SLC29A1: variants seen among roughly 807,000 people sequenced by gnomAD.
SLC29A1 encodes solute carrier family 29 member 1 (Augustine blood group), also known as equilibrative nucleoside transporter 1.
A neutral mutation model predicts 48.3 loss-of-function variants in SLC29A1; 22 were observed. The ratio of observed to expected loss-of-function variants is 0.46; its 90% CI spans 0.33 to 0.65. The LOEUF is 0.65. SLC29A1 is among the 30% of genes least tolerant of loss of function. The probability of loss-of-function intolerance (pLI) is 0.03; values close to 1 mark genes in which losing one functional copy is unlikely to be tolerated. For synonymous variants in SLC29A1, 228 were observed against 231.0 expected (o/e 0.99, Z 0.12); for missense variants, 491 against 575.3 (o/e 0.85, Z 1.50).
In SLC29A1 at chr6:44,232,419, A is replaced by C; in HGVS notation, c.1050A>C (p.Val350=). 6.2e-7 allele frequency: 1 copy of C among 1,611,282 alleles called. No homozygotes were observed. Among genetic ancestry groups the C allele is most frequent in the Non-Finnish European group, 8.5e-7 (1 of 1,177,472 alleles). ...FDWLGRSLTA[V]FMWPGKDSRW... Reference sequence around the variant, plus strand: ...GGTTGGGCCGGAGCCTCACAGCTGTATTCATGTGGGTAAGTGGAGGAAGAG... The same window carrying C: ...GGTTGGGCCGGAGCCTCACAGCTGTCTTCATGTGGGTAAGTGGAGGAAGAG... Residue 350 remains valine (V), a synonymous_variant, in exon 11 of 13, where the codon GTA becomes GTC. Transcript: ENST00000371755. The surrounding 1 kb of genome is among the most constrained non-coding windows in gnomAD (Gnocchi z 4.7).
rs1582962696 is a variant in SLC29A1 at position 44,232,402 on chromosome 6, C to A, written c.1033C>A (p.Arg345=). 1 of 1,613,218 alleles carries A rather than the reference C, an allele frequency of 6.2e-7. No individual in the cohort carries two copies. Among genetic ancestry groups the A allele is most frequent in the Middle Eastern group, 1.6e-4 (1 of 6,062 alleles). The part of the protein sequence containing the change: ...LTFNIFDWLG[R]SLTAVFMWPG... Reference sequence around the variant, plus strand: ...TTTCAATATCTTTGACTGGTTGGGCCGGAGCCTCACAGCTGTATTCATGTG... The same window carrying A: ...TTTCAATATCTTTGACTGGTTGGGCAGGAGCCTCACAGCTGTATTCATGTG... Residue 345 remains arginine (R), a synonymous_variant, in exon 11 of 13, where the codon CGG becomes AGG. Coordinates refer to ENST00000371755, the MANE Select transcript of SLC29A1 (RefSeq NM_001372327.1). This position sits in a 1 kb window ranked among gnomAD's most constrained non-coding sequence, Gnocchi z 4.7.
intron 9 of SLC29A1, 30 bp downstream of exon 9, chr6:44,231,491 C>T: frequency 7.2e-7 from 1 of 1,388,722 alleles, no homozygotes; most frequent in Non-Finnish European, 1.0e-6. Context: ...CTATCTTCTA[C>T]CCCTTGTCCT....
In SLC29A1 at chr6:44,232,142, C is replaced by G; in HGVS notation, c.973+36C>G. ...CACAGGTTTCCAGGATGGGAACAGA[C>G]AGGATCTTGAGTTGGGCTGGAAGTG... On this transcript the variant is annotated intron_variant, in intron 10 of 12. Coordinates refer to ENST00000371755, the MANE Select transcript of SLC29A1 (RefSeq NM_001372327.1). This position sits in a 1 kb window ranked among gnomAD's most constrained non-coding sequence, Gnocchi z 4.7. The G allele has an allele frequency of 1.3e-6, 2 of 1,516,718 alleles. No individual in the cohort carries two copies. Among genetic ancestry groups the G allele is most frequent in the African/African-American group, 1.4e-5 (1 of 73,082 alleles). 94.0% of individuals were successfully genotyped at this position (1,516,718 alleles called of 1,614,324 possible).
chr6:44,230,910 C>T (rs1296005305), intron 8 of SLC29A1, 21 bp downstream of exon 8: 3 of 1,594,752 alleles, frequency 1.9e-6, no homozygotes, highest in South Asian at 1.1e-5. Flanking sequence ...CCTGAGGAAG[C>T]TGGGGTGGAG....
upstream of SLC29A1, chr6:44,223,358 A>T (rs1231358741): frequency 5.8e-6 from 1 of 173,524 alleles, no homozygotes; most frequent in Non-Finnish European, 1.2e-5. This position sits in a 1 kb window ranked among gnomAD's most constrained non-coding sequence, Gnocchi z 5.0. Context: ...CGATGGACAG[A>T]CAGCCTTGGT....
Position 44,232,274 on chromosome 6 carries a change from C to T in SLC29A1, c.974-69C>T. 8.2e-7 allele frequency: 1 copy of T among 1,224,628 alleles called. No individual in the cohort carries two copies. The highest frequency in any genetic ancestry group is 2.3e-5 in the East Asian group (1 of 43,064). The allele number at this position is 1,224,628 out of a possible 1,614,324, so 75.9% of individuals were successfully genotyped here. On this transcript the variant is annotated intron_variant, in intron 10 of 12. Transcript: ENST00000371755. This position sits in a 1 kb window ranked among gnomAD's most constrained non-coding sequence, Gnocchi z 4.7. ...TTTTACTGTTGGGGAAGCTGAGGCC[C>T]AGTGAAGGTTAGGCTTGCTATACCT...
rs1409350353 is a variant in SLC29A1, at chr6:44,229,340, G to C, written c.30-50G>C. 2 of 1,411,554 alleles carry C rather than the reference G, an allele frequency of 1.4e-6. No homozygotes were observed. Among genetic ancestry groups the C allele is most frequent in the Non-Finnish European group, 2.0e-6 (2 of 994,974 alleles). The allele number at this position is 1,411,554 out of a possible 1,614,324, so 87.4% of individuals were successfully genotyped here. A position where few individuals can be genotyped will look rare whatever the true frequency, so the allele number is the denominator to read the frequency against. On this transcript the variant is annotated intron_variant, in intron 2 of 12. Transcript: ENST00000371755. This position sits in a 1 kb window ranked among gnomAD's most constrained non-coding sequence, Gnocchi z 5.1. ...GGGCTTTCCTGGGGCTCATTGTGGA[G>C]TGGGGCAGGATGGTGCGTCATTTGG...
At chr6:44,219,627 C>G (rs1041916872), upstream of SLC29A1, 1 of 1,088,024 alleles carries the variant, frequency 9.2e-7, no homozygotes, top group African/African-American at 1.7e-5. Flanking sequence ...CTCTTCCGCC[C>G]GGCGGCCCAC....
At chr6:44,219,750 C>T, upstream of SLC29A1, 1 of 1,288,882 alleles carries the variant, frequency 7.8e-7, no homozygotes, top group Non-Finnish European at 1.0e-6. Context: ...CGTCCCCCAC[C>T]AAGTCCGGAT....
intron 1 of SLC29A1, chr6:44,226,109 C>CT: frequency 8.1e-6 from 8 of 985,386 alleles, no homozygotes; most frequent in Non-Finnish European, 9.6e-6. Context: ...GGAGCACCTC[C>CT]TAGGGACTGC....
Position 44,229,399 on chromosome 6 carries a change from T to C in SLC29A1, c.39T>C (p.Ala13=). 1 of 1,613,914 alleles carries C rather than the reference T, an allele frequency of 6.2e-7. No individual in the cohort carries two copies. Among genetic ancestry groups the C allele is most frequent in the South Asian group, 1.1e-5 (1 of 91,078 alleles). ...TCCTCCTCCATTGCAGATACAAAGC[T>C]GTCTGGCTTATCTTCTTCATGCTGG... is the stretch of plus-strand genomic sequence containing the variant. ...TSHQPQDRYK[A]VWLIFFMLGL... Residue 13 remains alanine, a synonymous_variant, in exon 3 of 13, where the codon GCT becomes GCC. Coordinates refer to ENST00000371755, the MANE Select transcript of SLC29A1 (RefSeq NM_001372327.1). This position sits in a 1 kb window ranked among gnomAD's most constrained non-coding sequence, Gnocchi z 5.1.
upstream of SLC29A1, chr6:44,223,574 C>T (rs1465028380): frequency 1.7e-6 from 2 of 1,210,242 alleles, no homozygotes; most frequent in Non-Finnish European, 2.1e-6. The surrounding 1 kb of genome is among the most constrained non-coding windows in gnomAD (Gnocchi z 5.0). Context: ...TGAATGTGCC[C>T]CGGCGGGAGA....
rs919281713 is a variant in SLC29A1 at position 44,233,422 on chromosome 6, T to C, written c.1265T>C (p.Val422Ala). The C allele has an allele frequency of 6.2e-6, 10 of 1,613,616 alleles. No homozygotes were observed. The highest frequency in any genetic ancestry group is 8.5e-6 in the Non-Finnish European group (10 of 1,179,628). The part of the protein sequence containing the change: ...SLCMCFGPKK[V>A]KPAEAETAGA... Reference sequence around the variant, plus strand: ...GCCCTTCCTTCCCCGCTTAGGAAAGTGAAGCCAGCTGAGGCAGAGACCGCA... The same window carrying C: ...GCCCTTCCTTCCCCGCTTAGGAAAGCGAAGCCAGCTGAGGCAGAGACCGCA... Residue 422 changes from valine to alanine, a missense_variant, in exon 13 of 13, where the codon GTG becomes GCG. By Grantham distance (64) the Val-to-Ala change is moderately conservative (BLOSUM62 0). Coordinates refer to ENST00000371755, the MANE Select transcript of SLC29A1 (RefSeq NM_001372327.1).
chr6:44,232,736 G>C lies in SLC29A1; in HGVS notation c.1060-71G>C. 6.7e-7 allele frequency: 1 copy of C among 1,494,214 alleles called. No homozygotes were observed. The highest frequency in any genetic ancestry group is 1.1e-5 in the South Asian group (1 of 87,348). The allele number at this position is 1,494,214 out of a possible 1,614,324, so 92.6% of individuals were successfully genotyped here. A position where few individuals can be genotyped will look rare whatever the true frequency, so the allele number is the denominator to read the frequency against. ...TCAGTTCAGATCCTGAGGGGCCCCA[G>C]ATGGATCCTTGGGGGCCTGGCTGTG... On this transcript the variant is annotated intron_variant, in intron 11 of 12. Coordinates refer to ENST00000371755, the MANE Select transcript of SLC29A1 (RefSeq NM_001372327.1). This position sits in a 1 kb window ranked among gnomAD's most constrained non-coding sequence, Gnocchi z 4.7.
At position 44,225,520 on chromosome 6, in the gene SLC29A1, A is replaced by G. The variant is rs376053126; in HGVS notation, c.-51-1743A>G. Among the ~76,000 whole-genome samples, 54 of 152,034 alleles carry G rather than the reference A, an allele frequency of 3.6e-4. No individual in the cohort carries two copies. In the South Asian group the frequency reaches 0.01, roughly 29 times the overall value. On this transcript the variant is annotated intron_variant, in intron 1 of 12. Coordinates refer to ENST00000371755, the MANE Select transcript of SLC29A1 (RefSeq NM_001372327.1). ...AAAACTCCGTCTCAAAAAAAAAAAA[A>G]AAAAGAAAAAATCTGAGACCTGAGG... is the stretch of plus-strand genomic sequence containing the variant.
chr6:44,220,856 T>A (rs1248297701), upstream of SLC29A1, among the ~76,000 whole-genome samples: 1 of 152,072 alleles, frequency 6.6e-6, no homozygotes, highest in Non-Finnish European at 1.5e-5. Flanking sequence ...AAACTTATTT[T>A]GATTACATTA....
chr6:44,225,760 T>G (rs534988249), intron 1 of SLC29A1: 1 of 151,914 alleles, frequency 6.6e-6, no homozygotes. Flanking sequence ...GAGCTTGGAG[T>G]TTCCCTGGGG....
In SLC29A1 at chr6:44,230,065, G is replaced by A. The variant is rs324150; in HGVS notation, c.454+19G>A. 4,375 of 1,602,962 alleles carry A rather than the reference G, an allele frequency of 2.7e-3. 101 individuals are homozygous for A. The African/African-American group carries it at 0.05, about 18-fold the overall frequency. On this transcript the variant is annotated intron_variant, in intron 5 of 12. Transcript: ENST00000371755. ...ATTAATTGTAAGCTGGGCCAGGAGG[G>A]GGCCTATGGGAGGAGGCATGCCCAA...
intron 12 of SLC29A1, 32 bp from the exon 13 acceptor site, chr6:44,233,385 T>G: frequency 3.2e-6 from 5 of 1,568,134 alleles, no homozygotes; most frequent in Non-Finnish European, 4.4e-6. Flanking sequence ...ACAGCCATTC[T>G]GAGGTAGCCT....
Sources: gnomAD v4.1 joint callset for allele counts (sites outside exome capture counted in the v4.1 genomes callset) on GRCh38, gnomAD v4.1.1 for gene constraint, Gnocchi (gnomAD v3.1) non-coding constraint, MANE v1.5 for transcripts, NCBI Gene and HGNC (gene_info 2026-07-23, HGNC 2026-07-21) for gene names.